Variants in FAM83G observed in about 807,000 individuals in gnomAD.
FAM83G encodes protein FAM83G.
In FAM83G, 38 loss-of-function variants were observed where a neutral mutation model predicts 61.5. That is an observed-to-expected ratio of 0.62 (90% confidence interval 0.48 to 0.81). The LOEUF (loss-of-function observed/expected upper bound fraction) is 0.81, where lower values mean the gene tolerates loss of function less well. FAM83G is among the 30% of genes least tolerant of loss of function. The pLI, the probability that FAM83G is intolerant of heterozygous loss-of-function variation, is 0.00. For missense variants in FAM83G, 989 were observed against 1,133.6 expected (o/e 0.87, Z 1.83); for synonymous variants, 470 against 476.1 (o/e 0.99, Z 0.17).
At chr17:18,989,448 G>T (rs950031834) in intron 2 of FAM83G, among the ~76,000 whole-genome samples, 1 of 128,400 alleles carries the variant, frequency 7.8e-6, no homozygotes, top group Non-Finnish European at 1.6e-5. Context: ...TGGGCCTCAG[G>T]CCCCCATCGT....
chr17:18,969,219 T>TC lies in FAM83G; in HGVS notation c.*2139dup. On this transcript the variant is annotated 3_prime_UTR_variant, in exon 6 of 6. Transcript: ENST00000388995. ...CGTGTAAAGGGGTCAGAAGGCCACC[T>TC]CCCCCTACAGGCCCGAGGGAGCAGC... 2 of 1,580,786 alleles carry TC rather than the reference T, an allele frequency of 1.3e-6. No homozygotes were observed. Among genetic ancestry groups the TC allele is most frequent in the African/African-American group, 2.7e-5 (2 of 74,400 alleles).
intron 2 of FAM83G, among the ~76,000 whole-genome samples, chr17:18,990,303 C>T (rs376141012): frequency 6.6e-6 from 1 of 152,166 alleles, no homozygotes; most frequent in Non-Finnish European, 1.5e-5. Flanking sequence ...GTCACCATGA[C>T]CCTGGAGGCA....
In FAM83G at chr17:18,978,193, G is replaced by T; in HGVS notation, c.1473C>A (p.Asn491Lys). 6.4e-7 allele frequency: 1 copy of T among 1,551,938 alleles called. No homozygotes were observed. Residue 491 changes from asparagine to lysine, a missense_variant, in exon 5 of 6, where the codon AAC becomes AAA. Physicochemically the swap from Asn to Lys is moderately conservative, Grantham distance 94. Coordinates refer to ENST00000388995, the MANE Select transcript of FAM83G (RefSeq NM_001039999.3). Reference protein sequence around the residue: ...SAPQDGVPAENGLPQGDPEPL... With the variant: ...SAPQDGVPAEKGLPQGDPEPL... ...GCTCAGGGTCCCCCTGGGGGAGGCC[G>T]TTCTCAGCTGGGACACCGTCCTGGG...
Position 19,004,110 on chromosome 17 carries a change from C to G in FAM83G, c.-69G>C. 6.8e-7 allele frequency: 1 copy of G among 1,477,318 alleles called. No individual in the cohort carries two copies. The highest frequency in any genetic ancestry group is 9.1e-7 in the Non-Finnish European group (1 of 1,103,012). The allele number at this position is 1,477,318 out of a possible 1,614,324, so 91.5% of individuals were successfully genotyped here. A position where few individuals can be genotyped will look rare whatever the true frequency, so the allele number is the denominator to read the frequency against. On this transcript the variant is annotated 5_prime_UTR_variant, in exon 2 of 6. Transcript: ENST00000388995. The surrounding 1 kb of genome is among the most constrained non-coding windows in gnomAD (Gnocchi z 5.4). Reference sequence around the variant, plus strand: ...GGTCCAGCTCCTAGCTCCGGCCCAGCTGGGGCACCGCGCGCTCGGGGGCCT... The same window carrying G: ...GGTCCAGCTCCTAGCTCCGGCCCAGGTGGGGCACCGCGCGCTCGGGGGCCT...
rs533836627 is a variant in FAM83G at position 18,976,481 on chromosome 17, G to T, written c.2082+1103C>A. 7.4e-5 allele frequency: 14 copies of T among 190,318 alleles called. No homozygotes were observed. In the South Asian group the frequency reaches 2.5e-3, roughly 33 times the overall value. 11.8% of individuals were successfully genotyped at this position (190,318 alleles called of 1,614,324 possible). ...TCCTGGCACTATAAATGTGCCAGCT[G>T]CTGTCATGAGGGTCCAGGAGATGAG... On this transcript the variant is annotated intron_variant, in intron 5 of 5. Coordinates refer to ENST00000388995, the MANE Select transcript of FAM83G (RefSeq NM_001039999.3).
chr17:18,971,840 G>GC lies in FAM83G; in HGVS notation c.2083-93dup. The GC allele has an allele frequency of 7.2e-7, 1 of 1,381,960 alleles. No homozygotes were observed. The highest frequency in any genetic ancestry group is 9.7e-7 in the Non-Finnish European group (1 of 1,031,566). 85.6% of individuals were successfully genotyped at this position (1,381,960 alleles called of 1,614,324 possible). On this transcript the variant is annotated intron_variant, in intron 5 of 5. Coordinates refer to ENST00000388995, the MANE Select transcript of FAM83G (RefSeq NM_001039999.3). This position sits in a 1 kb window ranked among gnomAD's most constrained non-coding sequence, Gnocchi z 5.5. ...TGCTCAGGCACACAGGAGCCGGCAG[G>GC]CCCGGGTTCGCCTCCTGGCTCTGCC...
chr17:18,981,677 T>C (rs956338708), intron 3 of FAM83G, among the ~76,000 whole-genome samples: 1 of 152,154 alleles, frequency 6.6e-6, no homozygotes, highest in African/African-American at 2.4e-5. Context: ...TGAGTCCCCA[T>C]CTGATGCCCA....
intron 3 of FAM83G, chr17:18,986,326 C>A (rs1266838627): frequency 6.6e-6 from 1 of 152,202 alleles, no homozygotes; most frequent in Admixed American, 6.5e-5. Context: ...TCAAGTTCAT[C>A]CTTTGATGCT....
At chr17:18,975,860 TG>T (rs1360394458) in intron 5 of FAM83G, 2 of 152,038 alleles carry the variant, frequency 1.3e-5, no homozygotes, top group African/African-American at 4.8e-5. Context: ...GTGAATTATA[TG>T]GTCTGTGAAT....
intron 5 of FAM83G, among the ~76,000 whole-genome samples, chr17:18,974,021 T>C (rs2042920982): frequency 6.6e-6 from 1 of 151,822 alleles, no homozygotes; most frequent in Non-Finnish European, 1.5e-5. Context: ...GCCTCCTAAG[T>C]AGTTGGGATT....
Position 18,971,834 on chromosome 17 carries a change from C to A in FAM83G, c.2083-86G>T. The A allele has an allele frequency of 2.1e-6, 3 of 1,446,932 alleles. No homozygotes were observed. The highest frequency in any genetic ancestry group is 2.8e-6 in the Non-Finnish European group (3 of 1,086,022). 89.6% of individuals were successfully genotyped at this position (1,446,932 alleles called of 1,614,324 possible). A position where few individuals can be genotyped will look rare whatever the true frequency, so the allele number is the denominator to read the frequency against. On this transcript the variant is annotated intron_variant, in intron 5 of 5. Coordinates refer to ENST00000388995, the MANE Select transcript of FAM83G (RefSeq NM_001039999.3). The surrounding 1 kb of genome is among the most constrained non-coding windows in gnomAD (Gnocchi z 5.5). ...GGACCCTGCTCAGGCACACAGGAGC[C>A]GGCAGGCCCGGGTTCGCCTCCTGGC...
In FAM83G at chr17:18,971,619, T is replaced by C. The variant is rs752080899; in HGVS notation, c.2212A>G (p.Met738Val). The C allele has an allele frequency of 7.9e-5, 127 of 1,613,170 alleles. No homozygotes were observed. Among genetic ancestry groups the C allele is most frequent in the Non-Finnish European group, 1.1e-4 (126 of 1,179,882 alleles). The change falls in exon 6 of 6, where the codon ATG becomes GTG. Residue 738 changes from methionine to valine, a missense_variant. This residue lies in a region of FAM83G where 574 missense variants were observed against 645.1 expected (regional missense o/e 0.89). Transcript: ENST00000388995. The surrounding 1 kb of genome is among the most constrained non-coding windows in gnomAD (Gnocchi z 5.5). Reference protein sequence around the residue: ...QSSTRNAGPAMAGPHHWQAKG... With the variant: ...QSSTRNAGPAVAGPHHWQAKG... ...GCCTGCCAGTGGTGGGGGCCAGCCA[T>C]GGCTGGGCCAGCGTTTCTGGTAGAG... is the stretch of plus-strand genomic sequence containing the variant.
chr17:18,969,154 G>A lies in FAM83G; in HGVS notation c.*2205C>T, dbSNP rs368967767. The A allele has an allele frequency of 9.3e-6, 15 of 1,613,552 alleles. No homozygotes were observed. The highest frequency in any genetic ancestry group is 4.0e-5 in the African/African-American group (3 of 75,036). The stretch of plus-strand genomic sequence containing the variant: ...CGGCATCACAGCCCTGTACACCATC[G>A]CAGGTATGGTGCCTGCAGCAGGGAG... On this transcript the variant is annotated 3_prime_UTR_variant, in exon 6 of 6. Transcript: ENST00000388995.
At chr17:19,005,305 C>G (rs902850451), upstream of FAM83G, among the ~76,000 whole-genome samples, 4 of 152,204 alleles carry the variant, frequency 2.6e-5, no homozygotes, top group African/African-American at 4.8e-5. Context: ...GCGGGCAGCA[C>G]CCGACCTGAA....
chr17:18,970,930 T>A lies in FAM83G; in HGVS notation c.*429A>T. 2.2e-6 allele frequency: 3 copies of A among 1,349,294 alleles called. No homozygotes were observed. The highest frequency in any genetic ancestry group is 2.4e-5 in the South Asian group (2 of 83,296). The allele number at this position is 1,349,294 out of a possible 1,614,324, so 83.6% of individuals were successfully genotyped here. ...AAGTTTGATGCATCAGGAAGTTTCT[T>A]GTGAGATGAAGGCAGGGGGGAGCCC... On this transcript the variant is annotated 3_prime_UTR_variant, in exon 6 of 6. Transcript: ENST00000388995.
intron 3 of FAM83G, among the ~76,000 whole-genome samples, chr17:18,987,743 G>A (rs2043307222): frequency 6.6e-6 from 1 of 152,204 alleles, no homozygotes; most frequent in Admixed American, 6.5e-5. Flanking sequence ...CATCGCAGAA[G>A]CCTTCCCTGG....
rs1431359901 is a variant in FAM83G at position 18,971,764 on chromosome 17, CAG to C, written c.2083-18_2083-17del. The C allele has an allele frequency of 2.6e-6, 4 of 1,546,248 alleles. No individual in the cohort carries two copies. The highest frequency in any genetic ancestry group is 1.9e-5 in the Admixed American group (1 of 52,166). ...ACTGCTGGCCCTGGGAGAGAGAGAG[CAG>C]AGAGTGAGGCTGAGCAAGAAGGGCC... On this transcript the variant is annotated splice_polypyrimidine_tract_variant and intron_variant, in intron 5 of 5. Transcript: ENST00000388995. The surrounding 1 kb of genome is among the most constrained non-coding windows in gnomAD (Gnocchi z 5.5).
In FAM83G at chr17:18,968,973, C is replaced by G; in HGVS notation, c.*2386G>C. On this transcript the variant is annotated 3_prime_UTR_variant, in exon 6 of 6. Transcript: ENST00000388995. The surrounding 1 kb of genome is among the most constrained non-coding windows in gnomAD (Gnocchi z 4.1). ...CAGGCCACCGAGGCCCAGAGAGGGC[C>G]TTGCCCGAGGTCACCCAGGGAGTGG... 1 of 1,443,992 alleles carries G rather than the reference C, an allele frequency of 6.9e-7. No individual in the cohort carries two copies. Among genetic ancestry groups the G allele is most frequent in the Non-Finnish European group, 9.4e-7 (1 of 1,067,636 alleles). 89.4% of individuals were successfully genotyped at this position (1,443,992 alleles called of 1,614,324 possible).
intron 2 of FAM83G, among the ~76,000 whole-genome samples, chr17:19,002,862 TG>T (rs1003613840): frequency 5.3e-5 from 8 of 152,110 alleles, no homozygotes; most frequent in African/African-American, 1.9e-4. Context: ...TCCCTTCCGG[TG>T]GCAAAATTCA....
Sources: allele counts gnomAD v4.1 joint callset (sites outside exome capture counted in the v4.1 genomes callset), GRCh38; gene constraint gnomAD v4.1.1; regional missense constraint gnomAD v4.1.1; non-coding constraint Gnocchi (gnomAD v3.1); transcripts MANE v1.5; gene names NCBI Gene and HGNC (gene_info 2026-07-23, HGNC 2026-07-21).